Variants in ABLIM2 observed in about 807,000 individuals in gnomAD.
The protein encoded by ABLIM2 is actin binding LIM protein family member 2, also known as actin-binding LIM protein 2.
Under a neutral mutation model 97.7 loss-of-function variants are expected in ABLIM2, and 53 were observed. The ratio of observed to expected loss-of-function variants is 0.54; its 90% CI spans 0.44 to 0.68. The LOEUF is 0.68. ABLIM2 is among the 30% of genes least tolerant of loss of function. The pLI, the probability that ABLIM2 is intolerant of heterozygous loss-of-function variation, is 0.00. For synonymous variants in ABLIM2, 361 were observed against 345.8 expected (o/e 1.04, Z -0.49); for missense variants, 835 against 867.2 (o/e 0.96, Z 0.47).
chr4:8,097,399 C>T, intron 2 of ABLIM2, 117 bp from the exon 3 acceptor site: 1 of 1,270,102 alleles, frequency 7.9e-7, no homozygotes, highest in Non-Finnish European at 1.1e-6. Context: ...GCACTGAGGC[C>T]TCGGCACACA....
At position 8,112,736 on chromosome 4, in the gene ABLIM2, A is replaced by T. The variant is rs1840957611; in HGVS notation, c.11-6099T>A. 1.3e-5 allele frequency among the ~76,000 whole-genome samples: 2 copies of T among 152,126 alleles called. No individual in the cohort carries two copies. Reference sequence around the variant, plus strand: ...TCTTGTTTGTTCCATACCATGCCCCACAGGAATGGTCAGTCATCCTCATCT... The same window carrying T: ...TCTTGTTTGTTCCATACCATGCCCCTCAGGAATGGTCAGTCATCCTCATCT... On this transcript the variant is annotated intron_variant, in intron 1 of 20. Transcript: ENST00000447017. The surrounding 1 kb of genome is among the most constrained non-coding windows in gnomAD (Gnocchi z 4.2).
intron 17 of ABLIM2, among the ~76,000 whole-genome samples, chr4:7,988,231 C>T (rs1437024885): frequency 6.6e-6 from 1 of 152,158 alleles, no homozygotes; most frequent in African/African-American, 2.4e-5. Flanking sequence ...CCACGTTGGC[C>T]AGGCTGGTCT....
chr4:8,137,233 C>A (rs1431143036), intron 1 of ABLIM2, among the ~76,000 whole-genome samples: 2 of 152,220 alleles, frequency 1.3e-5, no homozygotes, highest in Non-Finnish European at 1.5e-5. Context: ...GCGCTAGGAC[C>A]CCCCCACTCT....
At position 8,158,787 on chromosome 4, in the gene ABLIM2, G is replaced by GGCTCCGCGCCC. The variant is rs1377177296; in HGVS notation, c.-109_-99dup. The stretch of plus-strand genomic sequence containing the variant: ...CCGCGCTATCCTCCGCCCGCCCGCC[G>GGCTCCGCGCCC]GCTCCGCGCCCGCTCCTTGCGCACA... On this transcript the variant is annotated 5_prime_UTR_variant, in exon 1 of 21. Transcript: ENST00000447017. 8.8e-7 allele frequency: 1 copy of GGCTCCGCGCCC among 1,137,756 alleles called. No individual in the cohort carries two copies. Among genetic ancestry groups the GGCTCCGCGCCC allele is most frequent in the African/African-American group, 1.6e-5 (1 of 61,142 alleles). 70.5% of individuals were successfully genotyped at this position (1,137,756 alleles called of 1,614,324 possible). A position where few individuals can be genotyped will look rare whatever the true frequency, so the allele number is the denominator to read the frequency against.
In ABLIM2 at chr4:7,970,938, C is replaced by T. The variant is rs371758186; in HGVS notation, c.1825-3835G>A. Among the ~76,000 whole-genome samples the T allele has an allele frequency of 4.7e-3, 710 of 152,146 alleles. 4 individuals carry two copies. The highest frequency in any genetic ancestry group is 0.016 in the African/African-American group (674 of 41,526). On this transcript the variant is annotated intron_variant, in intron 20 of 20. Coordinates refer to ENST00000447017, the MANE Select transcript of ABLIM2 (RefSeq NM_001130083.2). This position sits in a 1 kb window ranked among gnomAD's most constrained non-coding sequence, Gnocchi z 5.3. Reference sequence around the variant, plus strand: ...CTAGGGGGCTGACAGGGACCACCTCCCCGCAGGCTCCAGTCCTGTTTTCTG... The same window carrying T: ...CTAGGGGGCTGACAGGGACCACCTCTCCGCAGGCTCCAGTCCTGTTTTCTG...
At position 7,984,884 on chromosome 4, in the gene ABLIM2, G is replaced by T. The variant is rs1742361883; in HGVS notation, c.1690C>A (p.Leu564Met). 3 of 1,609,020 alleles carry T rather than the reference G, an allele frequency of 1.9e-6. No individual in the cohort carries two copies. Among genetic ancestry groups the T allele is most frequent in the African/African-American group, 2.7e-5 (2 of 74,900 alleles). The change falls in exon 18 of 21, where the codon CTG becomes ATG. Residue 564 changes from leucine (L) to methionine (M), a missense_variant. Transcript: ENST00000447017. ...KNGLDQRNAN[L>M]APCGADPDAS... ...TCCGGGTCTGCTCCACAGGGGGCCA[G>T]ATTGGCATTCTGGAAGAGAAAGAGA...
At chr4:8,108,454 G>A (rs1039178130) in intron 1 of ABLIM2, among the ~76,000 whole-genome samples, 21 of 152,330 alleles carry the variant, frequency 1.4e-4, no homozygotes, top group African/African-American at 4.6e-4. Context: ...AGTCAAGTCC[G>A]GCCACGGTAC....
At chr4:8,121,514 T>C (rs1202172002) in intron 1 of ABLIM2, among the ~76,000 whole-genome samples, 1 of 152,168 alleles carries the variant, frequency 6.6e-6, no homozygotes, top group Non-Finnish European at 1.5e-5. Flanking sequence ...TCAGAGCATG[T>C]ACACTGACTC....
Position 7,992,993 on chromosome 4 carries a change from T to TG in ABLIM2, c.1619-67dup, listed in dbSNP as rs1179258991. ...CGGTGCAGCAATGGGGGTGCAGCCCTGGGGGGGCTTCCCACCGGGGTGGGC... is the reference window on the plus strand; with the variant it reads ...CGGTGCAGCAATGGGGGTGCAGCCCTGGGGGGGGCTTCCCACCGGGGTGGGC... On this transcript the variant is annotated intron_variant, in intron 16 of 20. Transcript: ENST00000447017. This position sits in a 1 kb window ranked among gnomAD's most constrained non-coding sequence, Gnocchi z 5.7. 2.9e-5 allele frequency: 45 copies of TG among 1,549,402 alleles called. No individual in the cohort carries two copies. Among genetic ancestry groups the TG allele is most frequent in the Middle Eastern group, 2.2e-4 (1 of 4,530 alleles).
chr4:7,986,920 G>A lies in ABLIM2; in HGVS notation c.1681-2027C>T, dbSNP rs1744693238. ...TCCTGACCTCAGGTGATCCACCCGC[G>A]TTGGCCTCCCAAAGTGCTGGGATTA... On this transcript the variant is annotated intron_variant, in intron 17 of 20. Coordinates refer to ENST00000447017, the MANE Select transcript of ABLIM2 (RefSeq NM_001130083.2). The surrounding 1 kb of genome is among the most constrained non-coding windows in gnomAD (Gnocchi z 4.3). Among the ~76,000 whole-genome samples, 1 of 152,128 alleles carries A rather than the reference G, an allele frequency of 6.6e-6. No individual in the cohort carries two copies. The highest frequency in any genetic ancestry group is 1.5e-5 in the Non-Finnish European group (1 of 68,028).
At chr4:8,062,610 T>C (rs936098552) in intron 6 of ABLIM2, among the ~76,000 whole-genome samples, 14 of 151,902 alleles carry the variant, frequency 9.2e-5, no homozygotes, top group Non-Finnish European at 1.9e-4. Flanking sequence ...GGCTAATTTT[T>C]TTGTATTTTT....
chr4:8,158,207 T>C (rs1011007798), intron 1 of ABLIM2, among the ~76,000 whole-genome samples: 4 of 151,978 alleles, frequency 2.6e-5, no homozygotes, highest in Non-Finnish European at 2.9e-5. Flanking sequence ...GCGCCGAGGG[T>C]CGGCCTGACG....
chr4:8,081,696 G>A (rs1169024118), intron 4 of ABLIM2, among the ~76,000 whole-genome samples: 1 of 152,194 alleles, frequency 6.6e-6, no homozygotes, highest in African/African-American at 2.4e-5. Flanking sequence ...CTTCCTGTGA[G>A]TCTTCCTGTG....
At chr4:8,053,941 G>C (rs76822226) in intron 8 of ABLIM2, among the ~76,000 whole-genome samples, 5 of 152,068 alleles carry the variant, frequency 3.3e-5, no homozygotes, top group Admixed American at 6.6e-5. Context: ...TTCTTTTTAC[G>C]TAGATTACCT....
At chr4:8,153,669 G>T (rs561377661) in intron 1 of ABLIM2, among the ~76,000 whole-genome samples, 1 of 152,216 alleles carries the variant, frequency 6.6e-6, no homozygotes, top group Non-Finnish European at 1.5e-5. Context: ...GAACGGAATC[G>T]CCGGGCTTCT....
rs1053981846 is a variant in ABLIM2 at position 8,032,272 on chromosome 4, A to G, written c.1048-2496T>C. 1.3e-5 allele frequency among the ~76,000 whole-genome samples: 2 copies of G among 151,922 alleles called. No homozygotes were observed. Among genetic ancestry groups the G allele is most frequent in the Non-Finnish European group, 2.9e-5 (2 of 68,002 alleles). On this transcript the variant is annotated intron_variant, in intron 10 of 20. Coordinates refer to ENST00000447017, the MANE Select transcript of ABLIM2 (RefSeq NM_001130083.2). This position sits in a 1 kb window ranked among gnomAD's most constrained non-coding sequence, Gnocchi z 4.3. ...AGAGAGACACGTCCAGTGTTTCTCC[A>G]CGAGGACTGGGTGCTTCCACACAAC...
chr4:8,038,206 C>T (rs1785796301), intron 9 of ABLIM2, among the ~76,000 whole-genome samples: 1 of 152,214 alleles, frequency 6.6e-6, no homozygotes, highest in African/African-American at 2.4e-5. Flanking sequence ...CTCCTTTTCA[C>T]AATGTAGAAG....
intron 20 of ABLIM2, among the ~76,000 whole-genome samples, chr4:7,974,017 C>T (rs1181038184): frequency 6.6e-6 from 1 of 152,202 alleles, no homozygotes; most frequent in Admixed American, 6.5e-5. Context: ...CTGAGGTTTC[C>T]CAGAGAAGAA....
intron 1 of ABLIM2, among the ~76,000 whole-genome samples, chr4:8,131,574 C>G (rs2152930926): frequency 6.6e-6 from 1 of 152,264 alleles, no homozygotes. Flanking sequence ...CCCTCCCTGA[C>G]TCTCTCACAT....
Sources: allele counts gnomAD v4.1 joint callset (sites outside exome capture counted in the v4.1 genomes callset), GRCh38; gene constraint gnomAD v4.1.1; non-coding constraint Gnocchi (gnomAD v3.1); transcripts MANE v1.5; gene names NCBI Gene and HGNC (gene_info 2026-07-23, HGNC 2026-07-21).